LAMTOR5: variants seen among roughly 807,000 people sequenced by gnomAD.
LAMTOR5 encodes late endosomal/lysosomal adaptor, MAPK and MTOR activator 5.
Under a neutral mutation model 12.1 loss-of-function variants are expected in LAMTOR5, and 8 were observed. That is an observed-to-expected ratio of 0.66 (90% CI 0.39 to 1.19). The LOEUF (loss-of-function observed/expected upper bound fraction) is 1.19. Among genes scored for constraint, LAMTOR5 ranks in the 50% most tolerant of loss-of-function variants. The pLI, the probability that LAMTOR5 is intolerant of heterozygous loss-of-function variation, is 0.01. For missense variants in LAMTOR5, 110 were observed against 112.8 expected (o/e 0.97, Z 0.11); for synonymous variants, 37 against 41.9 (o/e 0.88, Z 0.45).
At position 110,406,366 on chromosome 1, in the gene LAMTOR5, A is replaced by G. The variant is rs148123151; in HGVS notation, c.49T>C (p.Ser17Pro). The change falls in exon 2 of 4, where the codon TCC (serine) becomes CCC (proline). Residue 17 changes from serine (S) to proline (P), a missense_variant. By Grantham distance (74) the Ser-to-Pro change is moderately conservative (BLOSUM62 -1). Coordinates refer to ENST00000602318, the MANE Select transcript of LAMTOR5 (RefSeq NM_001382293.1). ...TCTGTGCACAGGACTCCAACAATGG[A>G]GGGATTCTTCATTCTAATTCCAGGA... is the stretch of plus-strand genomic sequence containing the variant. ...QHLEDTMKNP[S>P]IVGVLCTDSQ... The G allele has an allele frequency of 6.5e-5, 105 of 1,609,666 alleles. 2 individuals are homozygous for G. The highest frequency in any genetic ancestry group is 6.0e-4 in the South Asian group (54 of 90,190).
chr1:110,404,460 T>C (rs1444690746), intron 2 of LAMTOR5, among the ~76,000 whole-genome samples: 3 of 152,216 alleles, frequency 2.0e-5, no homozygotes, highest in Non-Finnish European at 4.4e-5. Flanking sequence ...TTAGTAAGCC[T>C]AGCAAATGCT....
At position 110,403,932 on chromosome 1, in the gene LAMTOR5, C is replaced by T. The variant is rs368451165; in HGVS notation, c.202G>A (p.Glu68Lys). 1.2e-5 allele frequency: 19 copies of T among 1,613,926 alleles called. No homozygotes were observed. Among genetic ancestry groups the T allele is most frequent in the Non-Finnish European group, 1.6e-5 (19 of 1,179,994 alleles). Reference protein sequence around the residue: ...DPTDIPVVCLESDNGNIMIQK... With the variant: ...DPTDIPVVCLKSDNGNIMIQK... ...AAATCTACTCACCCATTATCTGATT[C>T]TAGACACACCACAGGAATATCAGTG... is the stretch of plus-strand genomic sequence containing the variant. The change falls in exon 3 of 4, where the codon GAA becomes AAA. Residue 68 changes from glutamate to lysine, a missense_variant. Glu to Lys is a moderately conservative substitution (Grantham distance 56, BLOSUM62 1). Transcript: ENST00000602318.
At chr1:110,407,703 C>T, upstream of LAMTOR5, 1 of 1,614,220 alleles carries the variant, frequency 6.2e-7, no homozygotes, top group South Asian at 1.1e-5. Flanking sequence ...TTGACGCGAG[C>T]GGGGCGTGGA....
chr1:110,407,575 G>A lies in LAMTOR5; in HGVS notation c.35+11C>T. The A allele has an allele frequency of 6.2e-7, 1 of 1,611,980 alleles. No homozygotes were observed. The highest frequency in any genetic ancestry group is 8.5e-7 in the Non-Finnish European group (1 of 1,178,428). On this transcript the variant is annotated intron_variant, in intron 1 of 3. Coordinates refer to ENST00000602318, the MANE Select transcript of LAMTOR5 (RefSeq NM_001382293.1). ...ACCTCAGGACAGGCCGAAGAGGCGCGCACTACTCACGTGTCTTCCAAGTGC... is the reference window on the plus strand; with the variant it reads ...ACCTCAGGACAGGCCGAAGAGGCGCACACTACTCACGTGTCTTCCAAGTGC...
At chr1:110,404,144 G>A in intron 2 of LAMTOR5, 108 bp from the exon 3 acceptor site, 2 of 1,425,302 alleles carry the variant, frequency 1.4e-6, no homozygotes, top group Non-Finnish European at 1.9e-6. Context: ...TTTTATTAAT[G>A]TCTGTATTAG....
intron 1 of LAMTOR5, chr1:110,406,932 C>T (rs1050503629): frequency 1.8e-6 from 1 of 544,562 alleles, no homozygotes; most frequent in Non-Finnish European, 3.3e-6. Context: ...TGGAGGGCCA[C>T]AAACACTGCG....
Position 110,406,392 on chromosome 1 carries a change from A to G in LAMTOR5, c.36-13T>C, listed in dbSNP as rs1383235432. The stretch of plus-strand genomic sequence containing the variant: ...GGGATTCTTCATTCTAATTCCAGGA[A>G]CACAAGAGAGTTGAAGTACATAATG... On this transcript the variant is annotated splice_polypyrimidine_tract_variant and intron_variant, in intron 1 of 3. Transcript: ENST00000602318. 1.9e-6 allele frequency: 3 copies of G among 1,601,464 alleles called. No homozygotes were observed. The highest frequency in any genetic ancestry group is 2.6e-6 in the Non-Finnish European group (3 of 1,171,064).
At position 110,401,518 on chromosome 1, in the gene LAMTOR5, G is replaced by T; in HGVS notation, c.*5C>A. On this transcript the variant is annotated 3_prime_UTR_variant, in exon 4 of 4. Coordinates refer to ENST00000602318, the MANE Select transcript of LAMTOR5 (RefSeq NM_001382293.1). ...TGACAGGCTGCTGAAGAACAGATATGAGCATCAAGAGGCCATTTTGTGCAC... is the reference window on the plus strand; with the variant it reads ...TGACAGGCTGCTGAAGAACAGATATTAGCATCAAGAGGCCATTTTGTGCAC... 1 of 1,604,462 alleles carries T rather than the reference G, an allele frequency of 6.2e-7. No individual in the cohort carries two copies. Among genetic ancestry groups the T allele is most frequent in the South Asian group, 1.1e-5 (1 of 90,450 alleles).
chr1:110,403,958 G>A lies in LAMTOR5; in HGVS notation c.176C>T (p.Pro59Leu), dbSNP rs201619706. ...TAGACACACCACAGGAATATCAGTGGGGTCAGAGGTTAGCTTAGCTGCTTG... is the reference window on the plus strand; with the variant it reads ...TAGACACACCACAGGAATATCAGTGAGGTCAGAGGTTAGCTTAGCTGCTTG... ...AQQAAKLTSD[P>L]TDIPVVCLES... The change falls in exon 3 of 4, where the codon CCC becomes CTC. Residue 59 changes from proline to leucine, a missense_variant. Pro to Leu is a moderately conservative substitution (Grantham distance 98, BLOSUM62 -3). Coordinates refer to ENST00000602318, the MANE Select transcript of LAMTOR5 (RefSeq NM_001382293.1). 6.9e-5 allele frequency: 111 copies of A among 1,614,026 alleles called. No individual in the cohort carries two copies. The highest frequency in any genetic ancestry group is 7.9e-5 in the Non-Finnish European group (93 of 1,180,040).
chr1:110,407,790 C>A (rs760799296), upstream of LAMTOR5: 6 of 1,614,026 alleles, frequency 3.7e-6, no homozygotes, highest in Non-Finnish European at 4.2e-6. Flanking sequence ...CATCACTGCG[C>A]TTCCGTCGCA....
upstream of LAMTOR5, chr1:110,407,875 C>G (rs761005847): frequency 6.2e-7 from 1 of 1,610,938 alleles, no homozygotes; most frequent in East Asian, 2.2e-5. Flanking sequence ...ATGGCGGAAC[C>G]GGCCGGCACG....
chr1:110,407,896 C>G (rs1663374454), upstream of LAMTOR5: 2 of 1,601,316 alleles, frequency 1.2e-6, no homozygotes, highest in Non-Finnish European at 8.5e-7. Flanking sequence ...GATTATTCCC[C>G]TCTCGGGAGA....
chr1:110,405,026 C>T (rs1208309549), intron 2 of LAMTOR5, among the ~76,000 whole-genome samples: 5 of 139,456 alleles, frequency 3.6e-5, no homozygotes, highest in African/African-American at 5.4e-5. Flanking sequence ...CTAGCCTGGG[C>T]GACAGAGCAA....
intron 3 of LAMTOR5, chr1:110,403,587 C>T: frequency 4.8e-6 from 1 of 209,606 alleles, no homozygotes; most frequent in Admixed American, 5.4e-5. Context: ...GTACTCCAGC[C>T]TGGTGCCAGA....
intron 1 of LAMTOR5, chr1:110,407,235 A>T (rs6684395): frequency 0.57 from 328,910 of 576,496 alleles, 94,498 homozygotes; most frequent in African/African-American, 0.64. Context: ...AGGGCTCGAC[A>T]CTGCACAACT....
chr1:110,406,209 C>T lies in LAMTOR5; in HGVS notation c.97+109G>A, dbSNP rs188159523. 1.7e-5 allele frequency: 11 copies of T among 651,102 alleles called. No homozygotes were observed. In the East Asian group the frequency reaches 3.4e-4, roughly 20 times the overall value. The allele number at this position is 651,102 out of a possible 1,614,324, so 40.3% of individuals were successfully genotyped here. ...ATCTCTACTCTCAAACTCAGAAAGA[C>T]CTGGCAAGGTAACAGGAAATAAAAG... On this transcript the variant is annotated intron_variant, in intron 2 of 3. Coordinates refer to ENST00000602318, the MANE Select transcript of LAMTOR5 (RefSeq NM_001382293.1).
rs1166951551 is a variant in LAMTOR5 at position 110,401,518 on chromosome 1, G to A, written c.*5C>T. On this transcript the variant is annotated 3_prime_UTR_variant, in exon 4 of 4. Transcript: ENST00000602318. ...TGACAGGCTGCTGAAGAACAGATAT[G>A]AGCATCAAGAGGCCATTTTGTGCAC... The A allele has an allele frequency of 1.2e-6, 2 of 1,604,462 alleles. No homozygotes were observed. Among genetic ancestry groups the A allele is most frequent in the Non-Finnish European group, 8.5e-7 (1 of 1,172,164 alleles).
chr1:110,407,842 C>G (rs769153251), upstream of LAMTOR5: 4 of 1,613,836 alleles, frequency 2.5e-6, no homozygotes, highest in Non-Finnish European at 3.4e-6. Flanking sequence ...CGGTGACCGT[C>G]GAGGTGACCT....
chr1:110,407,894 C>A (rs1663374380), upstream of LAMTOR5: 3 of 1,602,992 alleles, frequency 1.9e-6, no homozygotes, highest in East Asian at 2.2e-5. Flanking sequence ...CGGATTATTC[C>A]CCTCTCGGGA....
Sources: gnomAD v4.1 joint callset for allele counts (sites outside exome capture counted in the v4.1 genomes callset) on GRCh38, gnomAD v4.1.1 for gene constraint, MANE v1.5 for transcripts, NCBI Gene and HGNC (gene_info 2026-07-23, HGNC 2026-07-21) for gene names.